The following FRMPD4 variants were observed in gnomAD, a reference collection of about 807,000 sequenced individuals.
FRMPD4 encodes FERM and PDZ domain-containing protein 4.
Under a neutral mutation model 94.1 loss-of-function variants are expected in FRMPD4, and 22 were observed. The ratio of observed to expected loss-of-function variants is 0.23; its 90% CI spans 0.17 to 0.33. The LOEUF (loss-of-function observed/expected upper bound fraction) is 0.33. Among genes scored for constraint, FRMPD4 ranks in the 10% least tolerant of loss-of-function variants. FRMPD4 has a pLI of 1.00. For synonymous variants in FRMPD4, 631 were observed against 548.6 expected (o/e 1.15, Z -2.10); for missense variants, 1,111 against 1,339.9 (o/e 0.83, Z 2.67).
At chrX:12,624,001 C>A (rs112057320) in intron 4 of FRMPD4, among the ~76,000 whole-genome samples, 28 of 111,924 alleles carry the variant, frequency 2.5e-4, no homozygotes, top group African/African-American at 8.8e-4. Flanking sequence ...CAACACAGTG[C>A]GATCCCATCT....
chrX:12,538,549 A>C (rs971002517), intron 2 of FRMPD4, among the ~76,000 whole-genome samples: 2 of 111,757 alleles, frequency 1.8e-5, no homozygotes, highest in African/African-American at 6.5e-5. Context: ...CCTGTCCCCC[A>C]AGTAGCCTAA....
chrX:11,899,995 C>G (rs1367389178), intron 3 of FRMPD4, among the ~76,000 whole-genome samples: 5 of 111,949 alleles, frequency 4.5e-5, no homozygotes, highest in Non-Finnish European at 9.4e-5. Flanking sequence ...TTTCCACAGC[C>G]CCTTCTGGAG....
chrX:12,575,224 T>C (rs1000138515), intron 2 of FRMPD4, among the ~76,000 whole-genome samples: 1 of 111,908 alleles, frequency 8.9e-6, no homozygotes, highest in African/African-American at 3.2e-5. Flanking sequence ...TTTTCATGAA[T>C]CTATAAGGTC....
intron 5 of FRMPD4, among the ~76,000 whole-genome samples, chrX:12,679,035 G>A (rs766454595): frequency 1.8e-5 from 2 of 112,093 alleles, no homozygotes; most frequent in South Asian, 3.7e-4. Flanking sequence ...GCTGAGAGAG[G>A]CTACACACCT....
At chrX:12,300,138 G>C (rs746975808) in intron 1 of FRMPD4, among the ~76,000 whole-genome samples, 1 of 111,620 alleles carries the variant, frequency 9.0e-6, no homozygotes, top group African/African-American at 3.3e-5. Context: ...AAAAGCCAAA[G>C]TGGGGTTAGA....
chrX:12,264,241 A>G (rs113244688), intron 1 of FRMPD4, among the ~76,000 whole-genome samples: 1,672 of 111,872 alleles, frequency 0.015, 33 homozygotes, highest in African/African-American at 0.052. Flanking sequence ...GTGCATTACC[A>G]TTGCTAATGT....
intron 1 of FRMPD4, among the ~76,000 whole-genome samples, chrX:12,161,163 CT>C (rs5901463): frequency 6.8e-4 from 69 of 101,659 alleles, no homozygotes; most frequent in African/African-American, 7.9e-4. Context: ...GTCCCAAGAA[CT>C]TTTTTTTTTT....
At chrX:12,619,545 T>G (rs752592100) in intron 4 of FRMPD4, among the ~76,000 whole-genome samples, 3 of 111,399 alleles carry the variant, frequency 2.7e-5, no homozygotes, top group Non-Finnish European at 5.7e-5. Context: ...CAGGCCTTGG[T>G]GGCAGACTCA....
At chrX:12,092,174 A>G (rs1314407116) in intron 3 of FRMPD4, among the ~76,000 whole-genome samples, 3 of 112,195 alleles carry the variant, frequency 2.7e-5, no homozygotes, top group Non-Finnish European at 5.6e-5. Context: ...TCTTCTTATA[A>G]TGAATTCTAT....
chrX:12,138,217 C>CCCTG (rs1436319041), upstream of FRMPD4, among the ~76,000 whole-genome samples: 3 of 112,708 alleles, frequency 2.7e-5, no homozygotes, highest in Non-Finnish European at 3.8e-5. Flanking sequence ...CCTCAATCAT[C>CCCTG]CCTGCTCCTT....
intron 1 of FRMPD4, among the ~76,000 whole-genome samples, chrX:12,444,823 T>C (rs368338545): frequency 8.9e-6 from 1 of 112,075 alleles, no homozygotes; most frequent in South Asian, 3.7e-4. Flanking sequence ...GACATTAATC[T>C]ATTCATGACC....
chrX:12,220,152 G>GCAACAA (rs3063515), intron 1 of FRMPD4, among the ~76,000 whole-genome samples: 45 of 106,530 alleles, frequency 4.2e-4, no homozygotes, highest in African/African-American at 1.0e-3. Context: ...AACAACAACA[G>GCAACAA]CAACAACAAC....
chrX:12,358,298 T>C (rs1174814914), intron 1 of FRMPD4, among the ~76,000 whole-genome samples: 1 of 111,407 alleles, frequency 9.0e-6, no homozygotes, highest in Non-Finnish European at 1.9e-5. Context: ...AAGGAATAAA[T>C]TAAGACCCCA....
At chrX:11,853,129 C>T (rs1482396027) in intron 1 of FRMPD4, among the ~76,000 whole-genome samples, 1 of 112,015 alleles carries the variant, frequency 8.9e-6, no homozygotes, top group Non-Finnish European at 1.9e-5. Flanking sequence ...AATTGAATAA[C>T]CTGCTCCTGA....
intron 2 of FRMPD4, among the ~76,000 whole-genome samples, chrX:12,515,881 G>A: frequency 8.9e-6 from 1 of 111,850 alleles, no homozygotes; most frequent in East Asian, 2.8e-4. Flanking sequence ...GGGTGCTCCT[G>A]TATTGGGTGC....
chrX:12,522,488 T>A (rs1018589055), intron 2 of FRMPD4, among the ~76,000 whole-genome samples: 8 of 111,831 alleles, frequency 7.2e-5, no homozygotes, highest in Non-Finnish European at 1.1e-4. Flanking sequence ...GACTTAGTTG[T>A]CTAGCTCTTT....
At chrX:12,578,200 T>G (rs1193841474) in intron 2 of FRMPD4, among the ~76,000 whole-genome samples, 1 of 112,408 alleles carries the variant, frequency 8.9e-6, no homozygotes, top group African/African-American at 3.2e-5. Flanking sequence ...CACAGGAATT[T>G]TAGGGGTCAC....
At chrX:11,867,531 C>T (rs375076654) in intron 2 of FRMPD4, among the ~76,000 whole-genome samples, 1 of 112,306 alleles carries the variant, frequency 8.9e-6, no homozygotes, top group South Asian at 3.7e-4. Flanking sequence ...TGATTCATAA[C>T]CTTCAGACAT....
intron 3 of FRMPD4, among the ~76,000 whole-genome samples, chrX:12,020,603 T>C (rs1214373809): frequency 8.9e-6 from 1 of 112,191 alleles, no homozygotes; most frequent in Non-Finnish European, 1.9e-5. Context: ...CTCAGTCACC[T>C]GGCCACATGG....
Sources: gnomAD v4.1 joint callset for allele counts (sites outside exome capture counted in the v4.1 genomes callset) on GRCh38, gnomAD v4.1.1 for gene constraint, MANE v1.5 for transcripts, NCBI Gene and HGNC (gene_info 2026-07-23, HGNC 2026-07-21) for gene names.